Variants in FMN1 observed in about 807,000 individuals in gnomAD.
The protein encoded by FMN1 is formin-1.
FMN1 carries 110 observed loss-of-function variants against 132.4 expected under a neutral mutation model. The observed-to-expected ratio is 0.83, with a 90% CI of 0.71 to 0.97. FMN1 has a LOEUF of 0.97. Ranked by LOEUF, FMN1 falls within the 50% of genes least tolerant of loss-of-function variation. The pLI is 0.00. For missense variants in FMN1, 1,792 were observed against 1,705.3 expected, an observed-to-expected ratio of 1.05 and a Z score of -0.90; for synonymous variants, 722 against 651.7, an observed-to-expected ratio of 1.11 and a Z score of -1.64.
chr15:32,925,969 G>A (rs1389041685), intron 10 of FMN1, among the ~76,000 whole-genome samples: 1 of 152,078 alleles, frequency 6.6e-6, no homozygotes, highest in East Asian at 1.9e-4. Flanking sequence ...GACTTATAAA[G>A]CATCTGAAAT....
chr15:32,824,715 T>A (rs1449671502), intron 17 of FMN1, among the ~76,000 whole-genome samples: 3 of 152,192 alleles, frequency 2.0e-5, no homozygotes, highest in East Asian at 1.9e-4. Context: ...CACCTCAGCC[T>A]CCTGAGTAGC....
intron 6 of FMN1, among the ~76,000 whole-genome samples, chr15:33,031,915 G>C (rs1384685097): frequency 1.3e-5 from 2 of 152,176 alleles, no homozygotes; most frequent in Non-Finnish European, 2.9e-5. Flanking sequence ...TCAATTTTTT[G>C]TCTACTTGTT....
intron 12 of FMN1, 113 bp downstream of exon 12, chr15:32,908,377 G>T: frequency 1.4e-6 from 1 of 689,716 alleles, no homozygotes; most frequent in Non-Finnish European, 2.6e-6. Context: ...GAATGACGGT[G>T]TTGTGATTTA....
intron 6 of FMN1, among the ~76,000 whole-genome samples, chr15:33,057,529 A>C (rs923929776): frequency 6.3e-4 from 96 of 152,266 alleles, no homozygotes; most frequent in Admixed American, 7.8e-4. Flanking sequence ...ATGAAAATCC[A>C]AACAAGTAAA....
At chr15:32,985,236 T>C (rs572375474) in intron 7 of FMN1, among the ~76,000 whole-genome samples, 7 of 152,264 alleles carry the variant, frequency 4.6e-5, no homozygotes, top group Non-Finnish European at 8.8e-5. Flanking sequence ...TTTTTCCTCA[T>C]TCTCCTTTGG....
chr15:32,857,857 C>G (rs915229654), intron 16 of FMN1, among the ~76,000 whole-genome samples: 1 of 152,188 alleles, frequency 6.6e-6, no homozygotes. Flanking sequence ...TTCACCATCA[C>G]AAAAGGCAGT....
At chr15:32,842,787 CTT>C (rs5811710) in intron 17 of FMN1, among the ~76,000 whole-genome samples, 40 of 139,936 alleles carry the variant, frequency 2.9e-4, no homozygotes, top group Non-Finnish European at 3.2e-4. Context: ...GGAACCTCAG[CTT>C]TTTTTTTTTT....
intron 7 of FMN1, among the ~76,000 whole-genome samples, chr15:33,001,958 A>C (rs1414233987): frequency 6.6e-6 from 1 of 152,058 alleles, no homozygotes; most frequent in Non-Finnish European, 1.5e-5. Flanking sequence ...TGTCCAATCC[A>C]AATATTTTAG....
chr15:32,905,738 T>C (rs1596239675), intron 12 of FMN1, among the ~76,000 whole-genome samples: 1 of 152,214 alleles, frequency 6.6e-6, no homozygotes, highest in African/African-American at 2.4e-5. Context: ...CTATAAATGA[T>C]TCATATTTTC....
At chr15:32,786,756 A>C (rs928660765) in intron 19 of FMN1, among the ~76,000 whole-genome samples, 1 of 152,252 alleles carries the variant, frequency 6.6e-6, no homozygotes, top group African/African-American at 2.4e-5. Flanking sequence ...TATTAACGCC[A>C]TAAGGGCTGT....
At chr15:33,083,885 C>T (rs1483772224) in intron 5 of FMN1, among the ~76,000 whole-genome samples, 2 of 152,126 alleles carry the variant, frequency 1.3e-5, no homozygotes, top group African/African-American at 4.8e-5. Context: ...ACAAAAGTGA[C>T]CTCTGGTCAT....
chr15:33,082,099 G>GTT (rs1218177395), intron 5 of FMN1, among the ~76,000 whole-genome samples: 1 of 114,472 alleles, frequency 8.7e-6, no homozygotes, highest in Non-Finnish European at 1.7e-5. Flanking sequence ...AACAATGTGT[G>GTT]TGTGTGTGTG....
intron 5 of FMN1, among the ~76,000 whole-genome samples, chr15:33,076,682 A>G (rs575662959): frequency 2.0e-5 from 3 of 152,358 alleles, no homozygotes; most frequent in South Asian, 2.1e-4. Context: ...TTACTGTCCA[A>G]TGAAACTTTC....
rs748373244 is a variant in FMN1, at chr15:32,857,064, C to A, written c.3879G>T (p.Lys1293Asn). 5 of 1,613,956 alleles carry A rather than the reference C, an allele frequency of 3.1e-6. No individual in the cohort carries two copies. The highest frequency in any genetic ancestry group is 1.6e-4 in the Middle Eastern group (1 of 6,062). The change falls in exon 17 of 21, where the codon AAG becomes AAT. Residue 1293 changes from lysine to asparagine, a missense_variant. By Grantham distance (94) the Lys-to-Asn change is moderately conservative (BLOSUM62 0). Coordinates refer to ENST00000616417, the MANE Select transcript of FMN1 (RefSeq NM_001277313.2). The stretch of plus-strand genomic sequence containing the variant: ...TGTCCTTGAAAGGCTGGAGATACTC[C>A]TTTGGGGACTCCTTGCACACCACCA... ...QMVVVCKESP[K>N]EYLQPFKDKL...
At chr15:32,988,156 CAT>C (rs1239026911) in intron 7 of FMN1, among the ~76,000 whole-genome samples, 2 of 147,310 alleles carry the variant, frequency 1.4e-5, no homozygotes, top group East Asian at 4.1e-4. Flanking sequence ...CACAGTAGGA[CAT>C]AGTCAATCTG....
intron 4 of FMN1, among the ~76,000 whole-genome samples, chr15:33,109,287 A>G (rs2039605675): frequency 6.6e-6 from 1 of 152,154 alleles, no homozygotes; most frequent in South Asian, 2.1e-4. Context: ...TACTTTTGTC[A>G]AAACATTAAT....
intron 13 of FMN1, among the ~76,000 whole-genome samples, chr15:32,900,577 A>C (rs1256187179): frequency 1.3e-5 from 2 of 152,244 alleles, no homozygotes; most frequent in African/African-American, 4.8e-5. Context: ...ATACAGAAGA[A>C]GTATGTTCTT....
rs755514714 is a variant in FMN1, at chr15:33,066,898, C to T, written c.2044-1824G>A. 332 of 1,613,868 alleles carry T rather than the reference C, an allele frequency of 2.1e-4. 2 individuals are homozygous for T. The highest frequency in any genetic ancestry group is 2.5e-4 in the Non-Finnish European group (297 of 1,179,884). ...TGGCCTTCGGATCAGTTGCTTTCTT[C>T]TCACTCTTCACTGTCTGCAGCCCTG... On this transcript the variant is annotated intron_variant, in intron 5 of 20. Coordinates refer to ENST00000616417, the MANE Select transcript of FMN1 (RefSeq NM_001277313.2).
chr15:33,013,470 C>T (rs564297305), intron 6 of FMN1, among the ~76,000 whole-genome samples: 1 of 122,918 alleles, frequency 8.1e-6, no homozygotes, highest in African/African-American at 2.5e-5. Flanking sequence ...TGGTGGTTTC[C>T]AGGAGAAGAT....
Sources: gnomAD v4.1 joint callset for allele counts (sites outside exome capture counted in the v4.1 genomes callset) on GRCh38, gnomAD v4.1.1 for gene constraint, MANE v1.5 for transcripts, NCBI Gene and HGNC (gene_info 2026-07-23, HGNC 2026-07-21) for gene names.